DIS3L2: variants seen among roughly 807,000 people sequenced by gnomAD.
DIS3L2 encodes DIS3-like exonuclease 2.
Under a neutral mutation model 97.5 loss-of-function variants are expected in DIS3L2, and 34 were observed. The ratio of observed to expected loss-of-function variants is 0.35; its 90% CI spans 0.27 to 0.46. The LOEUF (loss-of-function observed/expected upper bound fraction) is 0.46, where lower values mean the gene tolerates loss of function less well. DIS3L2 is among the 20% of genes least tolerant of loss of function. The probability of loss-of-function intolerance (pLI) is 1.00; values close to 1 mark genes in which losing one functional copy is unlikely to be tolerated. For synonymous variants in DIS3L2, 435 were observed against 445.2 expected (o/e 0.98, Z 0.29); for missense variants, 1,038 against 1,146.0 (o/e 0.91, Z 1.36).
intron 20 of DIS3L2, 88 bp from the exon 21 acceptor site, chr2:232,336,381 A>AG (rs755015535): frequency 6.4e-7 from 1 of 1,550,416 alleles, no homozygotes; most frequent in South Asian, 1.2e-5. Context: ...AGGAGGGGCC[A>AG]GGGGTCCTGC....
chr2:232,329,797 C>A lies in DIS3L2; in HGVS notation c.1740-16C>A. On this transcript the variant is annotated splice_polypyrimidine_tract_variant and intron_variant, in intron 14 of 20. Coordinates refer to ENST00000325385, the MANE Select transcript of DIS3L2 (RefSeq NM_152383.5). The stretch of plus-strand genomic sequence containing the variant: ...CAAACCCCAGCGGTCCCTCCCATCC[C>A]ACCCACCCTCTGCAGGCTCGTGGAG... 12 of 892,846 alleles carry A rather than the reference C, an allele frequency of 1.3e-5. No individual in the cohort carries two copies. The highest frequency in any genetic ancestry group is 2.1e-5 in the South Asian group (1 of 46,706). 55.3% of individuals were successfully genotyped at this position (892,846 alleles called of 1,614,324 possible). A position where few individuals can be genotyped will look rare whatever the true frequency, so the allele number is the denominator to read the frequency against.
At chr2:232,144,363 C>A (rs937609366) in intron 8 of DIS3L2, among the ~76,000 whole-genome samples, 1 of 151,992 alleles carries the variant, frequency 6.6e-6, no homozygotes, top group Non-Finnish European at 1.5e-5. Context: ...TAGTGATAAT[C>A]GTTGGGTGAT....
chr2:232,036,096 A>G (rs1694942472), intron 5 of DIS3L2, among the ~76,000 whole-genome samples: 1 of 152,154 alleles, frequency 6.6e-6, no homozygotes, highest in South Asian at 2.1e-4. Context: ...AGTTCTGGAT[A>G]ATATCCTGAA....
intron 1 of DIS3L2, among the ~76,000 whole-genome samples, chr2:232,013,384 A>G (rs1349175588): frequency 2.0e-5 from 3 of 152,176 alleles, no homozygotes; most frequent in Non-Finnish European, 4.4e-5. Context: ...TAGACCTTCC[A>G]ACTTGTTTTA....
intron 9 of DIS3L2, chr2:232,198,916 A>G (rs1251629323): frequency 3.3e-5 from 5 of 152,176 alleles, no homozygotes; most frequent in African/African-American, 9.7e-5. Flanking sequence ...CCTATTCATA[A>G]TTGTAATCAG....
chr2:232,130,744 C>T lies in DIS3L2; in HGVS notation c.702+25C>T, dbSNP rs201817561. The T allele has an allele frequency of 8.7e-6, 14 of 1,611,826 alleles. No homozygotes were observed. The Admixed American group carries it at 1.0e-4, about 12-fold the overall frequency. ...GGTCATTGCCTACAGATTTTCTCCA[C>T]GTGTCCAAATGGCTTTCACCTGAGC... On this transcript the variant is annotated intron_variant, in intron 7 of 20. Coordinates refer to ENST00000325385, the MANE Select transcript of DIS3L2 (RefSeq NM_152383.5).
intron 8 of DIS3L2, among the ~76,000 whole-genome samples, chr2:232,137,989 T>A (rs891515400): frequency 2.0e-5 from 3 of 152,174 alleles, no homozygotes; most frequent in Non-Finnish European, 4.4e-5. Flanking sequence ...GCAGCCACAC[T>A]CTGTTTGGCA....
intron 5 of DIS3L2, among the ~76,000 whole-genome samples, chr2:232,031,070 G>A (rs1421939013): frequency 6.6e-6 from 1 of 152,104 alleles, no homozygotes; most frequent in East Asian, 1.9e-4. Flanking sequence ...CCTTTCTGCT[G>A]CAAATGTCTC....
chr2:232,117,147 C>T (rs904111909), intron 6 of DIS3L2, among the ~76,000 whole-genome samples: 2 of 152,188 alleles, frequency 1.3e-5, no homozygotes, highest in African/African-American at 4.8e-5. Flanking sequence ...TGCACCTTTT[C>T]TTCCAGGTAT....
chr2:232,338,268 G>A (rs548205576), downstream of DIS3L2, among the ~76,000 whole-genome samples: 2 of 152,082 alleles, frequency 1.3e-5, no homozygotes, highest in Non-Finnish European at 2.9e-5. Flanking sequence ...GGCCTCCCAC[G>A]AAGCATGGGA....
At chr2:232,043,777 T>C (rs1695168630) in intron 5 of DIS3L2, among the ~76,000 whole-genome samples, 1 of 152,230 alleles carries the variant, frequency 6.6e-6, no homozygotes. Context: ...TAAGGAAATG[T>C]ACTGACATTT....
rs558313322 is a variant in DIS3L2 at position 231,963,576 on chromosome 2, G to A, written c.-94+1811G>A. 2.6e-5 allele frequency among the ~76,000 whole-genome samples: 4 copies of A among 152,266 alleles called. No individual in the cohort carries two copies. In the East Asian group the frequency reaches 7.7e-4, roughly 29 times the overall value. On this transcript the variant is annotated intron_variant, in intron 1 of 20. Transcript: ENST00000325385. ...TAATCTGTTGATAATTTCTTTTGCT[G>A]TGCAGAAGCTCTAGTTTAATTAGTT...
chr2:232,157,474 G>C (rs1690523604), intron 8 of DIS3L2, among the ~76,000 whole-genome samples: 1 of 152,202 alleles, frequency 6.6e-6, no homozygotes, highest in South Asian at 2.1e-4. Context: ...TATGGGCTTT[G>C]CTTCTTCCAA....
chr2:232,123,076 A>G (rs1353539479), intron 6 of DIS3L2, among the ~76,000 whole-genome samples: 1 of 152,150 alleles, frequency 6.6e-6, no homozygotes, highest in African/African-American at 2.4e-5. Flanking sequence ...ACTGAATTAT[A>G]AAATTTTCCA....
chr2:232,292,500 G>A lies in DIS3L2; in HGVS notation c.1660-7540G>A, dbSNP rs1345883069. On this transcript the variant is annotated intron_variant, in intron 13 of 20. Coordinates refer to ENST00000325385, the MANE Select transcript of DIS3L2 (RefSeq NM_152383.5). This position sits in a 1 kb window ranked among gnomAD's most constrained non-coding sequence, Gnocchi z 4.4. ...GGCCTGCATCCCATGTTCCCACAGA[G>A]TCTGGGGAAGATTCTCCTCTCCCAA... Among the ~76,000 whole-genome samples the A allele has an allele frequency of 9.2e-5, 14 of 152,180 alleles. No individual in the cohort carries two copies.
intron 1 of DIS3L2, among the ~76,000 whole-genome samples, chr2:231,980,672 T>G (rs1250335486): frequency 6.6e-6 from 1 of 151,798 alleles, no homozygotes; most frequent in Non-Finnish European, 1.5e-5. Flanking sequence ...CACTCCAACC[T>G]GGGTGACAGA....
At chr2:232,290,196 T>G (rs1482298408) in intron 13 of DIS3L2, among the ~76,000 whole-genome samples, 2 of 152,250 alleles carry the variant, frequency 1.3e-5, no homozygotes, top group Non-Finnish European at 2.9e-5. Context: ...ATGAGCAGAT[T>G]GGCTGCACTC....
At chr2:232,048,618 G>C (rs1695312087) in intron 5 of DIS3L2, among the ~76,000 whole-genome samples, 1 of 151,886 alleles carries the variant, frequency 6.6e-6, no homozygotes, top group Non-Finnish European at 1.5e-5. Flanking sequence ...TGTAGTCCCA[G>C]CTACTCGGGA....
At chr2:232,193,526 T>G (rs543720716) in intron 9 of DIS3L2, among the ~76,000 whole-genome samples, 3 of 152,354 alleles carry the variant, frequency 2.0e-5, no homozygotes, top group South Asian at 4.1e-4. Flanking sequence ...TAAGGCACAT[T>G]GCCTTAACAA....
Sources: gnomAD v4.1 joint callset for allele counts (sites outside exome capture counted in the v4.1 genomes callset) on GRCh38, gnomAD v4.1.1 for gene constraint, Gnocchi (gnomAD v3.1) non-coding constraint, MANE v1.5 for transcripts, NCBI Gene and HGNC (gene_info 2026-07-23, HGNC 2026-07-21) for gene names.